EOGT: variants seen among roughly 807,000 people sequenced by gnomAD.
The protein encoded by EOGT is EGF domain specific O-linked N-acetylglucosamine transferase, also known as EGF domain-specific O-linked N-acetylglucosamine transferase.
A neutral mutation model predicts 70.5 loss-of-function variants in EOGT; 55 were observed. The observed-to-expected ratio is 0.78, with a 90% CI of 0.63 to 0.98. The LOEUF (loss-of-function observed/expected upper bound fraction) is 0.98, where lower values mean the gene tolerates loss of function less well. EOGT is among the 50% of genes least tolerant of loss of function. EOGT has a pLI of 0.00. For synonymous variants in EOGT, 246 were observed against 217.1 expected (o/e 1.13, Z -1.17); for missense variants, 703 against 641.9 (o/e 1.10, Z -1.03).
intron 11 of EOGT, 63 bp from the exon 12 acceptor site, chr3:68,988,640 T>C: frequency 1.0e-6 from 1 of 983,000 alleles, no homozygotes; most frequent in Non-Finnish European, 1.5e-6. Context: ...AAATAGCACG[T>C]ATAATTTTGA....
chr3:68,992,123 C>T (rs761042142), intron 10 of EOGT, among the ~76,000 whole-genome samples: 4 of 152,134 alleles, frequency 2.6e-5, no homozygotes, highest in Non-Finnish European at 4.4e-5. Context: ...CTCTAAATCT[C>T]GTGTCCCCAC....
At chr3:68,992,127 TC>T (rs775953184) in intron 10 of EOGT, among the ~76,000 whole-genome samples, 1 of 152,094 alleles carries the variant, frequency 6.6e-6, no homozygotes. Flanking sequence ...AAATCTCGTG[TC>T]CCCACATTTC....
intron 10 of EOGT, among the ~76,000 whole-genome samples, chr3:68,992,946 G>C (rs1467990941): frequency 6.6e-6 from 1 of 152,212 alleles, no homozygotes; most frequent in Non-Finnish European, 1.5e-5. Flanking sequence ...CATGGCTGGA[G>C]CGGCTAGGAC....
chr3:68,985,857 G>A (rs748664394), intron 14 of EOGT, among the ~76,000 whole-genome samples: 1 of 152,210 alleles, frequency 6.6e-6, no homozygotes, highest in Non-Finnish European at 1.5e-5. Flanking sequence ...TCTGCAGGAT[G>A]GGAGCCTGAC....
chr3:69,002,891 C>T (rs1050637626), intron 8 of EOGT, among the ~76,000 whole-genome samples: 1 of 152,270 alleles, frequency 6.6e-6, no homozygotes, highest in African/African-American at 2.4e-5. Flanking sequence ...TGGTCTTGAA[C>T]TCCTGGCTTC....
intron 10 of EOGT, 23 bp downstream of exon 10, chr3:68,997,988 G>T: frequency 7.6e-7 from 1 of 1,319,060 alleles, no homozygotes; most frequent in Non-Finnish European, 1.1e-6. Flanking sequence ...CAGTACTGAA[G>T]CGGAGAGCAC....
intron 10 of EOGT, among the ~76,000 whole-genome samples, chr3:68,991,413 T>C (rs763102613): frequency 7.2e-5 from 11 of 152,214 alleles, no homozygotes; most frequent in Admixed American, 1.3e-4. Flanking sequence ...AAAGGACATA[T>C]GTGTTTATGG....
chr3:69,012,960 C>T (rs950374719), intron 1 of EOGT, among the ~76,000 whole-genome samples, 161 bp from the exon 2 acceptor site: 21 of 151,826 alleles, frequency 1.4e-4, no homozygotes, highest in African/African-American at 4.8e-4. Flanking sequence ...CACGTGAGAC[C>T]CCGAATGACA....
rs1351939742 is a variant in EOGT, at chr3:69,001,665, C to G, written c.670G>C (p.Asp224His). The G allele has an allele frequency of 1.2e-6, 2 of 1,611,774 alleles. No homozygotes were observed. Among genetic ancestry groups the G allele is most frequent in the Non-Finnish European group, 1.7e-6 (2 of 1,179,308 alleles). The change falls in exon 9 of 18, where the codon GAT (aspartate) becomes CAT (histidine). Residue 224 changes from aspartate (D) to histidine (H), a missense_variant. Transcript: ENST00000383701. The part of the protein sequence containing the change: ...YTQLNFRPIE[D>H]AKCDIVIEKP... ...TCAATGACAATGTCACATTTAGCAT[C>G]TTCTATAGGTCTGAAGTTGAGCTGA...
intron 10 of EOGT, among the ~76,000 whole-genome samples, chr3:68,996,331 G>A (rs984358423): frequency 6.6e-6 from 1 of 152,110 alleles, no homozygotes; most frequent in East Asian, 1.9e-4. Context: ...ATTAAGGGTC[G>A]GCAAAACTGT....
At position 68,976,017 on chromosome 3, in the gene EOGT, C is replaced by G. The variant is rs2090464456; in HGVS notation, c.*1601G>C. The stretch of plus-strand genomic sequence containing the variant: ...TACTCAAGTGTTAATAAAATGTAAA[C>G]TTCACATTGTGCAGTAAAATAAATC... On this transcript the variant is annotated 3_prime_UTR_variant, in exon 18 of 18. Transcript: ENST00000383701. 6.6e-6 allele frequency: 1 copy of G among 152,196 alleles called. No homozygotes were observed. The highest frequency in any genetic ancestry group is 1.5e-5 in the Non-Finnish European group (1 of 68,034). The allele number at this position is 152,196 out of a possible 1,614,324, so 9.4% of individuals were successfully genotyped here.
intron 9 of EOGT, among the ~76,000 whole-genome samples, chr3:68,999,309 T>C (rs1196494005): frequency 2.0e-5 from 3 of 152,168 alleles, no homozygotes; most frequent in Non-Finnish European, 4.4e-5. Flanking sequence ...GGAACTACTA[T>C]TTGTAAGTTC....
chr3:69,002,207 C>T (rs182114951), intron 8 of EOGT, among the ~76,000 whole-genome samples: 2 of 152,252 alleles, frequency 1.3e-5, no homozygotes, highest in African/African-American at 4.8e-5. Context: ...ATTCTCCAGG[C>T]CCAGGTTGAG....
At chr3:69,009,303 C>T (rs981415764) in intron 4 of EOGT, among the ~76,000 whole-genome samples, 4 of 152,228 alleles carry the variant, frequency 2.6e-5, no homozygotes, top group African/African-American at 7.2e-5. Context: ...TCTCATGTGC[C>T]GTTTAAGAAA....
intron 15 of EOGT, among the ~76,000 whole-genome samples, chr3:68,981,041 C>T (rs2090625831): frequency 6.6e-6 from 1 of 152,192 alleles, no homozygotes; most frequent in Admixed American, 6.5e-5. Context: ...CCCATATTGG[C>T]TCACTCATTT....
At chr3:69,006,064 T>G (rs2107371589) in intron 6 of EOGT, among the ~76,000 whole-genome samples, 1 of 152,348 alleles carries the variant, frequency 6.6e-6, no homozygotes, top group Non-Finnish European at 1.5e-5. Context: ...GTCTATGGTA[T>G]TTTGTTATAA....
chr3:68,997,247 C>T (rs982424690), intron 10 of EOGT, among the ~76,000 whole-genome samples: 2 of 152,158 alleles, frequency 1.3e-5, no homozygotes, highest in Non-Finnish European at 2.9e-5. Context: ...CATAATTCAG[C>T]ACAAAGGACA....
At chr3:68,983,006 A>C in intron 14 of EOGT, 134 bp from the exon 15 acceptor site, 1 of 578,064 alleles carries the variant, frequency 1.7e-6, no homozygotes, top group Non-Finnish European at 3.0e-6. Context: ...AACAACAACA[A>C]ATAAAAAGAA....
chr3:68,983,394 CT>C (rs2090708321), intron 14 of EOGT, among the ~76,000 whole-genome samples: 1 of 152,200 alleles, frequency 6.6e-6, no homozygotes, highest in African/African-American at 2.4e-5. Flanking sequence ...TTCAGTACTT[CT>C]ACATAGAAAA....
Sources: gnomAD v4.1 joint callset for allele counts (sites outside exome capture counted in the v4.1 genomes callset) on GRCh38, gnomAD v4.1.1 for gene constraint, MANE v1.5 for transcripts, NCBI Gene and HGNC (gene_info 2026-07-23, HGNC 2026-07-21) for gene names.